Variants in TMEM161A observed in about 807,000 individuals in gnomAD.
TMEM161A encodes adaptive response to oxidative stress protein 29.
TMEM161A carries 46 observed loss-of-function variants against 57.1 expected under a neutral mutation model. The observed-to-expected ratio is 0.81, with a 90% CI of 0.64 to 1.03. TMEM161A has a LOEUF of 1.03. TMEM161A is among the 50% of genes least tolerant of loss of function. The pLI is 0.00. For synonymous variants in TMEM161A, 288 were observed against 279.0 expected, an observed-to-expected ratio of 1.03 and a Z score of -0.32; for missense variants, 601 against 621.5, an observed-to-expected ratio of 0.97 and a Z score of 0.35.
Position 19,134,892 on chromosome 19 carries a change from G to C in TMEM161A, c.4-5C>G. ...CAGCTGTACTCCGAGGACCGCCTGG[G>C]GGGAGGGGACATGACTGGCAGCACC... On this transcript the variant is annotated splice_region_variant and splice_polypyrimidine_tract_variant and intron_variant, in intron 1 of 11. Coordinates refer to ENST00000162044, the MANE Select transcript of TMEM161A (RefSeq NM_017814.3). 1.3e-6 allele frequency: 2 copies of C among 1,576,220 alleles called. No individual in the cohort carries two copies. The highest frequency in any genetic ancestry group is 1.7e-4 in the Middle Eastern group (1 of 5,778).
chr19:19,120,299 C>T, intron 11 of TMEM161A, 116 bp from the exon 12 acceptor site: 1 of 941,642 alleles, frequency 1.1e-6, no homozygotes, highest in East Asian at 2.7e-5. Context: ...CTGTCTCAGA[C>T]TCCATCTCCA....
chr19:19,121,501 C>A lies in TMEM161A; in HGVS notation c.800+24G>T. 6.2e-7 allele frequency: 1 copy of A among 1,613,538 alleles called. No homozygotes were observed. Among genetic ancestry groups the A allele is most frequent in the East Asian group, 2.2e-5 (1 of 44,878 alleles). The stretch of plus-strand genomic sequence containing the variant: ...TCTCCCTTAAGCTCCCTAGTCCCCC[C>A]ACCCACCAAGCGACCCACTTAACTG... On this transcript the variant is annotated intron_variant, in intron 8 of 11. Transcript: ENST00000162044. The surrounding 1 kb of genome is among the most constrained non-coding windows in gnomAD (Gnocchi z 5.8).
intron 2 of TMEM161A, among the ~76,000 whole-genome samples, chr19:19,134,231 G>A (rs2059974076): frequency 6.6e-6 from 1 of 152,168 alleles, no homozygotes. Context: ...CAGGAAGAGT[G>A]AGGGACGTGG....
At chr19:19,136,511 C>T (rs970013899) in intron 1 of TMEM161A, among the ~76,000 whole-genome samples, 2 of 151,862 alleles carry the variant, frequency 1.3e-5, no homozygotes, top group East Asian at 1.9e-4. Context: ...CAAAAATTAG[C>T]CAGACATGGT....
In TMEM161A at chr19:19,130,193, C is replaced by T; in HGVS notation, c.558G>A (p.Val186=). The change falls in exon 6 of 12, where the codon GTG becomes GTA. Residue 186 remains valine, a synonymous_variant. Transcript: ENST00000162044. ...CCAGCTCGAGGGTCTCCTCCCGCAC[C>T]ACTTGCACCAGCATGGCCAGCAGCA... ...LFLLLAMLVQ[V]VREETLELGL... The T allele has an allele frequency of 6.2e-7, 1 of 1,613,914 alleles. No individual in the cohort carries two copies. Among genetic ancestry groups the T allele is most frequent in the South Asian group, 1.1e-5 (1 of 91,076 alleles).
chr19:19,131,472 G>GTACA (rs2059957847), intron 5 of TMEM161A, among the ~76,000 whole-genome samples: 1 of 145,788 alleles, frequency 6.9e-6, no homozygotes, highest in African/African-American at 2.6e-5. Flanking sequence ...ATATATACAT[G>GTACA]TACATACATA....
Position 19,134,947 on chromosome 19 carries a change from C to T in TMEM161A, c.4-60G>A, listed in dbSNP as rs1469533564. ...AGAGGGTCACAAGTTCCCTCCCTCCCTAGGAACCCAGGCTATTTATAGAGA... is the reference window on the plus strand; with the variant it reads ...AGAGGGTCACAAGTTCCCTCCCTCCTTAGGAACCCAGGCTATTTATAGAGA... On this transcript the variant is annotated intron_variant, in intron 1 of 11. Transcript: ENST00000162044. The T allele has an allele frequency of 5.6e-6, 7 of 1,247,190 alleles. No homozygotes were observed. In the Admixed American group the frequency reaches 8.2e-5, roughly 15 times the overall value. The allele number at this position is 1,247,190 out of a possible 1,614,324, so 77.3% of individuals were successfully genotyped here.
chr19:19,125,663 C>G (rs1326980670), intron 6 of TMEM161A, among the ~76,000 whole-genome samples: 2 of 151,818 alleles, frequency 1.3e-5, no homozygotes, highest in African/African-American at 2.4e-5. Flanking sequence ...ACTACAGGCG[C>G]CTGCCACCAC....
chr19:19,130,373 G>T, intron 5 of TMEM161A, 66 bp from the exon 6 acceptor site: 2 of 1,587,046 alleles, frequency 1.3e-6, no homozygotes, highest in Non-Finnish European at 1.7e-6. Flanking sequence ...ACCACACTCC[G>T]TCTGGGACCC....
chr19:19,121,914 G>C lies in TMEM161A; in HGVS notation c.596-95C>G. On this transcript the variant is annotated intron_variant, in intron 6 of 11. Coordinates refer to ENST00000162044, the MANE Select transcript of TMEM161A (RefSeq NM_017814.3). This position sits in a 1 kb window ranked among gnomAD's most constrained non-coding sequence, Gnocchi z 5.8. ...CCCCCCATCCCTCAGGCATCCGTTTGCTTCCCAAGTAGGAATGAACAAGGG... is the reference window on the plus strand; with the variant it reads ...CCCCCCATCCCTCAGGCATCCGTTTCCTTCCCAAGTAGGAATGAACAAGGG... 4 of 1,409,348 alleles carry C rather than the reference G, an allele frequency of 2.8e-6. No individual in the cohort carries two copies. The highest frequency in any genetic ancestry group is 1.9e-6 in the Non-Finnish European group (2 of 1,025,832). The allele number at this position is 1,409,348 out of a possible 1,614,324, so 87.3% of individuals were successfully genotyped here.
At chr19:19,135,883 A>T (rs2059982611) in intron 1 of TMEM161A, among the ~76,000 whole-genome samples, 1 of 151,396 alleles carries the variant, frequency 6.6e-6, no homozygotes, top group Admixed American at 6.6e-5. Flanking sequence ...GCCTATTTTT[A>T]TTTTTATTTT....
chr19:19,126,868 A>AAAAAAT (rs1317654858), intron 6 of TMEM161A, among the ~76,000 whole-genome samples: 4 of 152,134 alleles, frequency 2.6e-5, no homozygotes, highest in Admixed American at 2.0e-4. Context: ...AGACTGTCTC[A>AAAAAAT]AAAAATAAAA....
At chr19:19,126,144 G>A (rs1257099382) in intron 6 of TMEM161A, among the ~76,000 whole-genome samples, 3 of 136,364 alleles carry the variant, frequency 2.2e-5, no homozygotes, top group African/African-American at 8.4e-5. Flanking sequence ...CAGCCTGGGG[G>A]AAAGAGCGAG....
At position 19,120,107 on chromosome 19, in the gene TMEM161A, G is replaced by A. The variant is rs1185537781; in HGVS notation, c.1263C>T (p.Gly421=). 3 of 1,573,764 alleles carry A rather than the reference G, an allele frequency of 1.9e-6. No homozygotes were observed. Among genetic ancestry groups the A allele is most frequent in the South Asian group, 2.3e-5 (2 of 85,914 alleles). The change falls in exon 12 of 12, where the codon GGC becomes GGT. Residue 421 remains glycine (G), a synonymous_variant. Transcript: ENST00000162044. ...TCTGCTGGACTTCGTCCTCCCCAGA[G>A]CCGATGGGGGCAGCGCTGGCTGAGG... ...DPSSASAAPI[G]SGEDEVQQTA...
chr19:19,133,249 G>C, intron 2 of TMEM161A, 39 bp from the exon 3 acceptor site: 1 of 1,601,392 alleles, frequency 6.2e-7, no homozygotes, highest in Non-Finnish European at 8.6e-7. Flanking sequence ...GCTCAGGCGT[G>C]GGGTTGGGAG....
intron 6 of TMEM161A, among the ~76,000 whole-genome samples, chr19:19,122,515 C>T (rs1176269968): frequency 6.6e-6 from 1 of 151,830 alleles, no homozygotes; most frequent in Non-Finnish European, 1.5e-5. Flanking sequence ...CAGTGGCTTG[C>T]ACCTGTAAGT....
chr19:19,132,955 A>C lies in TMEM161A; in HGVS notation c.188+175T>G. On this transcript the variant is annotated intron_variant, in intron 3 of 11. Transcript: ENST00000162044. The surrounding 1 kb of genome is among the most constrained non-coding windows in gnomAD (Gnocchi z 4.3). The stretch of plus-strand genomic sequence containing the variant: ...GCCAGGAAACAGATGCTAACTTGAC[A>C]GTGACCATCTCCTTGGACTAGGGTC... 2 of 711,404 alleles carry C rather than the reference A, an allele frequency of 2.8e-6. No individual in the cohort carries two copies. Among genetic ancestry groups the C allele is most frequent in the Non-Finnish European group, 4.6e-6 (2 of 433,756 alleles). The allele number at this position is 711,404 out of a possible 1,614,324, so 44.1% of individuals were successfully genotyped here.
chr19:19,120,314 A>C, intron 11 of TMEM161A, 131 bp from the exon 12 acceptor site: 1 of 824,614 alleles, frequency 1.2e-6, no homozygotes, highest in Non-Finnish European at 1.8e-6. Context: ...TCTCCAGCCC[A>C]GTCTCCACCC....
intron 5 of TMEM161A, 122 bp from the exon 6 acceptor site, chr19:19,130,429 A>T: frequency 2.3e-6 from 3 of 1,316,576 alleles, no homozygotes; most frequent in Non-Finnish European, 3.2e-6. Flanking sequence ...GGCCTTGGGG[A>T]TGACCTAGAG....
Sources: gnomAD v4.1 joint callset for allele counts (sites outside exome capture counted in the v4.1 genomes callset) on GRCh38, gnomAD v4.1.1 for gene constraint, Gnocchi (gnomAD v3.1) non-coding constraint, MANE v1.5 for transcripts, NCBI Gene and HGNC (gene_info 2026-07-23, HGNC 2026-07-21) for gene names.